Variants in ATP6V1D observed in about 807,000 individuals in gnomAD.
The protein encoded by ATP6V1D is ATPase H+ transporting V1 subunit D.
ATP6V1D carries 20 observed loss-of-function variants against 39.4 expected under a neutral mutation model. The observed-to-expected ratio is 0.51, with a 90% CI of 0.36 to 0.74. The LOEUF (loss-of-function observed/expected upper bound fraction) is 0.74. ATP6V1D is among the 30% of genes least tolerant of loss of function. The pLI is 0.00. For missense variants in ATP6V1D, 228 were observed against 291.6 expected, an observed-to-expected ratio of 0.78 and a Z score of 1.59; for synonymous variants, 100 against 100.5, an observed-to-expected ratio of 0.99 and a Z score of 0.03.
chr14:67,348,587 T>C (rs1427276958), intron 4 of ATP6V1D, among the ~76,000 whole-genome samples: 1 of 152,040 alleles, frequency 6.6e-6, no homozygotes, highest in African/African-American at 2.4e-5. Context: ...AGTGGTGCAA[T>C]CTCGGCTCAC....
chr14:67,350,261 A>G (rs1005245877), intron 3 of ATP6V1D, among the ~76,000 whole-genome samples: 1 of 152,224 alleles, frequency 6.6e-6, no homozygotes, highest in Non-Finnish European at 1.5e-5. Flanking sequence ...TTTCCCTAAT[A>G]TTCCAAAAAA....
intron 2 of ATP6V1D, among the ~76,000 whole-genome samples, chr14:67,351,378 G>T (rs2085652811): frequency 6.6e-6 from 1 of 152,072 alleles, no homozygotes; most frequent in South Asian, 2.1e-4. Context: ...AAACTGTAAA[G>T]CAACAAAAGA....
At chr14:67,341,868 T>C (rs1478864002) in intron 7 of ATP6V1D, among the ~76,000 whole-genome samples, 3 of 152,212 alleles carry the variant, frequency 2.0e-5, no homozygotes, top group Admixed American at 6.5e-5. Context: ...TGGGATCCTG[T>C]TGATCTATGA....
intron 8 of ATP6V1D, chr14:67,340,223 G>A: frequency 2.1e-6 from 1 of 472,378 alleles, no homozygotes; most frequent in African/African-American, 1.9e-5. Flanking sequence ...TCTCTGAAAG[G>A]CCTAAGTTTT....
At chr14:67,359,596 G>A in intron 1 of ATP6V1D, 62 bp downstream of exon 1, 1 of 1,593,604 alleles carries the variant, frequency 6.3e-7, no homozygotes. Context: ...CCCAGGGTCT[G>A]AAGGGACCGC....
intron 1 of ATP6V1D, 135 bp from the exon 2 acceptor site, chr14:67,353,175 T>C (rs2085666801): frequency 4.6e-6 from 3 of 658,010 alleles, no homozygotes; most frequent in Non-Finnish European, 7.7e-6. Flanking sequence ...AATTTGTAGC[T>C]GACAGGTTTA....
At position 67,338,735 on chromosome 14, in the gene ATP6V1D, C is replaced by T. The variant is rs1265977515; in HGVS notation, c.630G>A (p.Lys210=). The T allele has an allele frequency of 6.2e-7, 1 of 1,613,056 alleles. No homozygotes were observed. The highest frequency in any genetic ancestry group is 1.3e-5 in the African/African-American group (1 of 74,870). ...CCTTCTCAGATTTTTCCTTTAGAATCTTTTTCTTCTCTTGTATTTTCTTTA... is the reference window on the plus strand; with the variant it reads ...CCTTCTCAGATTTTTCCTTTAGAATTTTTTTCTTCTCTTGTATTTTCTTTA... ...YRLKKIQEKK[K]ILKEKSEKDL... is the part of the protein sequence containing the mutation. Residue 210 remains lysine, a synonymous_variant, in exon 9 of 9, where the codon AAG becomes AAA. Transcript: ENST00000216442.
At chr14:67,348,076 ATT>A (rs761328150) in intron 4 of ATP6V1D, among the ~76,000 whole-genome samples, 1 of 140,122 alleles carries the variant, frequency 7.1e-6, no homozygotes, top group Non-Finnish European at 1.6e-5. Context: ...TGCCCAGCTA[ATT>A]TTTTTTTTTT....
Position 67,337,910 on chromosome 14 carries a change from A to G in ATP6V1D, c.*711T>C, listed in dbSNP as rs1390430642. On this transcript the variant is annotated 3_prime_UTR_variant, in exon 9 of 9. Coordinates refer to ENST00000216442, the MANE Select transcript of ATP6V1D (RefSeq NM_015994.4). ...ATCATTTATTAGTACCCCAAAATGC[A>G]ACAGTTGTCTCAAAAGTAAGCCTTT... 2 of 152,228 alleles carry G rather than the reference A, an allele frequency of 1.3e-5. No individual in the cohort carries two copies. The highest frequency in any genetic ancestry group is 2.1e-4 in the South Asian group (1 of 4,826). The allele number at this position is 152,228 out of a possible 1,614,324, so 9.4% of individuals were successfully genotyped here. A position where few individuals can be genotyped will look rare whatever the true frequency, so the allele number is the denominator to read the frequency against.
At chr14:67,359,004 A>G (rs1284113125) in intron 1 of ATP6V1D, among the ~76,000 whole-genome samples, 1 of 152,224 alleles carries the variant, frequency 6.6e-6, no homozygotes, top group Non-Finnish European at 1.5e-5. Flanking sequence ...ACAAATATCT[A>G]CTTTACAGCG....
intron 4 of ATP6V1D, among the ~76,000 whole-genome samples, chr14:67,347,689 G>A (rs1333256382): frequency 5.3e-5 from 8 of 151,814 alleles, no homozygotes; most frequent in East Asian, 1.9e-4. Context: ...TAGTAGACAC[G>A]GGGTTTCTCC....
intron 8 of ATP6V1D, chr14:67,340,186 TA>T (rs965079696): frequency 3.0e-3 from 1,144 of 386,338 alleles, no homozygotes; most frequent in Middle Eastern, 6.7e-3. Context: ...AACATATATT[TA>T]AAAAAAAAAT....
In ATP6V1D at chr14:67,343,534, T is replaced by G. The variant is rs1051347812; in HGVS notation, c.457-96A>C. Reference sequence around the variant, plus strand: ...TAAGACTGCACTTGTAGAAAACATTTGAGAACCAAGACAACTTCTTTTTGG... The same window carrying G: ...TAAGACTGCACTTGTAGAAAACATTGGAGAACCAAGACAACTTCTTTTTGG... On this transcript the variant is annotated intron_variant, in intron 6 of 8. Coordinates refer to ENST00000216442, the MANE Select transcript of ATP6V1D (RefSeq NM_015994.4). The G allele has an allele frequency of 1.7e-5, 15 of 889,248 alleles. No homozygotes were observed. In the African/African-American group the frequency reaches 2.5e-4, roughly 15 times the overall value. The allele number at this position is 889,248 out of a possible 1,614,324, so 55.1% of individuals were successfully genotyped here.
intron 1 of ATP6V1D, among the ~76,000 whole-genome samples, chr14:67,355,487 A>T (rs1328326913): frequency 1.4e-5 from 2 of 147,476 alleles, no homozygotes; most frequent in Non-Finnish European, 3.0e-5. Context: ...AAAAGACTAG[A>T]AATAAAATGT....
In ATP6V1D at chr14:67,338,851, A is replaced by G. The variant is rs895429084; in HGVS notation, c.603-89T>C. 7.5e-6 allele frequency: 9 copies of G among 1,198,250 alleles called. No individual in the cohort carries two copies. In the African/African-American group the frequency reaches 1.4e-4, roughly 18 times the overall value. The allele number at this position is 1,198,250 out of a possible 1,614,324, so 74.2% of individuals were successfully genotyped here. A position where few individuals can be genotyped will look rare whatever the true frequency, so the allele number is the denominator to read the frequency against. ...CTTTGAGTTTTGTAACAAGGATAAT[A>G]AACACATACCTAGAAAAAAACCTGG... On this transcript the variant is annotated intron_variant, in intron 8 of 8. Transcript: ENST00000216442.
rs2085557630 is a variant in ATP6V1D, at chr14:67,338,726, C to A, written c.639G>T (p.Lys213Asn). Residue 213 changes from lysine (K) to asparagine (N), a missense_variant, in exon 9 of 9, where the codon AAG (lysine) becomes AAT (asparagine). Lys to Asn is a moderately conservative substitution (Grantham distance 94). Transcript: ENST00000216442. ...GCTCCAAGTCCTTCTCAGATTTTTC[C>A]TTTAGAATCTTTTTCTTCTCTTGTA... The part of the protein sequence containing the change: ...KKIQEKKKIL[K>N]EKSEKDLEQR... 1 of 1,613,398 alleles carries A rather than the reference C, an allele frequency of 6.2e-7. No individual in the cohort carries two copies. The highest frequency in any genetic ancestry group is 1.3e-5 in the African/African-American group (1 of 74,994).
chr14:67,344,728 AAAT>A (rs892941500), intron 6 of ATP6V1D, among the ~76,000 whole-genome samples: 2 of 151,400 alleles, frequency 1.3e-5, no homozygotes, highest in African/African-American at 4.9e-5. Context: ...AAAAATTCAA[AAAT>A]ATTATCCAGG....
In ATP6V1D at chr14:67,343,353, C is replaced by T. The variant is rs770643241; in HGVS notation, c.523+19G>A. On this transcript the variant is annotated intron_variant, in intron 7 of 8. Coordinates refer to ENST00000216442, the MANE Select transcript of ATP6V1D (RefSeq NM_015994.4). ...GGTATGGACAAGTGACAAAGCACCT[C>T]ACAGTACCTAATACTCACCATGTTC... The T allele has an allele frequency of 1.3e-6, 2 of 1,595,822 alleles. No homozygotes were observed. The highest frequency in any genetic ancestry group is 1.1e-5 in the South Asian group (1 of 89,536).
At chr14:67,356,011 T>C (rs997738800) in intron 1 of ATP6V1D, among the ~76,000 whole-genome samples, 5 of 151,660 alleles carry the variant, frequency 3.3e-5, no homozygotes, top group African/African-American at 1.2e-4. Flanking sequence ...AAACAAGTGT[T>C]TGGGTAATAA....
Sources: allele counts gnomAD v4.1 joint callset (sites outside exome capture counted in the v4.1 genomes callset), GRCh38; gene constraint gnomAD v4.1.1; transcripts MANE v1.5; gene names NCBI Gene and HGNC (gene_info 2026-07-23, HGNC 2026-07-21).